Variants in C1QTNF7 observed in about 807,000 individuals in gnomAD.
The protein encoded by C1QTNF7 is C1q and TNF related 7, also known as complement C1q tumor necrosis factor-related protein 7.
A neutral mutation model predicts 19.6 loss-of-function variants in C1QTNF7; 15 were observed. The ratio of observed to expected loss-of-function variants is 0.76; its 90% CI spans 0.51 to 1.18. The LOEUF (loss-of-function observed/expected upper bound fraction) is 1.18. C1QTNF7 is among the 50% of genes most tolerant of loss of function. C1QTNF7 has a pLI of 0.00. For synonymous variants in C1QTNF7, 142 were observed against 137.5 expected, an observed-to-expected ratio of 1.03 and a Z score of -0.23; for missense variants, 324 against 359.7, an observed-to-expected ratio of 0.90 and a Z score of 0.80.
intron 1 of C1QTNF7, among the ~76,000 whole-genome samples, chr4:15,344,082 A>G (rs1025112765): frequency 6.6e-6 from 1 of 152,230 alleles, no homozygotes; most frequent in African/African-American, 2.4e-5. Context: ...AGAGAGGAGA[A>G]TATGAGCAAA....
chr4:15,379,578 C>G (rs1261406399), intron 1 of C1QTNF7, among the ~76,000 whole-genome samples: 1 of 152,172 alleles, frequency 6.6e-6, no homozygotes, highest in Non-Finnish European at 1.5e-5. Flanking sequence ...TGCTGGACTC[C>G]ACAACCTGCT....
chr4:15,426,663 T>C, upstream of C1QTNF7, among the ~76,000 whole-genome samples: 1 of 152,188 alleles, frequency 6.6e-6, no homozygotes. Context: ...AAAATAAGAA[T>C]GCATCTATTC....
intron 1 of C1QTNF7, among the ~76,000 whole-genome samples, chr4:15,399,444 C>G (rs1050055303): frequency 1.4e-4 from 21 of 152,172 alleles, no homozygotes; most frequent in African/African-American, 4.3e-4. Flanking sequence ...GTCATACTGA[C>G]TACAGGACCC....
chr4:15,342,927 G>A (rs763257550), intron 1 of C1QTNF7, among the ~76,000 whole-genome samples: 44 of 152,094 alleles, frequency 2.9e-4, no homozygotes, highest in African/African-American at 8.9e-4. Flanking sequence ...TATGAACTTC[G>A]GCCCATTCAA....
intron 1 of C1QTNF7, among the ~76,000 whole-genome samples, chr4:15,411,464 G>T (rs768392766): frequency 3.3e-5 from 5 of 152,166 alleles, no homozygotes; most frequent in Non-Finnish European, 7.4e-5. Flanking sequence ...TCACCAGGAG[G>T]GTCTCTGGCA....
At chr4:15,347,353 T>G (rs1044530391) in intron 1 of C1QTNF7, among the ~76,000 whole-genome samples, 7 of 152,254 alleles carry the variant, frequency 4.6e-5, no homozygotes, top group Non-Finnish European at 8.8e-5. Context: ...ATCTTTGCTC[T>G]GCTTTTAGAA....
chr4:15,400,609 T>C (rs1191642052), intron 1 of C1QTNF7, among the ~76,000 whole-genome samples: 1 of 152,180 alleles, frequency 6.6e-6, no homozygotes, highest in African/African-American at 2.4e-5. Flanking sequence ...AACGGTCTGC[T>C]CTGATCCATA....
At position 15,392,331 on chromosome 4, in the gene C1QTNF7, C is replaced by T. The variant is rs542906428; in HGVS notation, c.14-43405C>T. Among the ~76,000 whole-genome samples the T allele has an allele frequency of 4.6e-3, 695 of 152,298 alleles. 7 individuals carry two copies. The highest frequency in any genetic ancestry group is 0.016 in the African/African-American group (672 of 41,554). ...TTACTTAAATCACCTCATTCATTTT[C>T]CACCACAGCCTTCTCAGTGGATACA... On this transcript the variant is annotated intron_variant, in intron 1 of 2. Coordinates refer to the C1QTNF7 transcript ENST00000295297.
intron 1 of C1QTNF7, among the ~76,000 whole-genome samples, chr4:15,357,735 T>G (rs972971582): frequency 1.3e-5 from 2 of 152,300 alleles, no homozygotes; most frequent in African/African-American, 4.8e-5. Context: ...GTTTTTCCAT[T>G]TCTTTGTGTC....
At chr4:15,406,763 T>C (rs1411425347) in intron 1 of C1QTNF7, among the ~76,000 whole-genome samples, 1 of 152,196 alleles carries the variant, frequency 6.6e-6, no homozygotes, top group African/African-American at 2.4e-5. Flanking sequence ...ATTGATCATA[T>C]ATAGTAAGAG....
Position 15,378,840 on chromosome 4 carries a change from C to T in C1QTNF7, c.13+38633C>T, listed in dbSNP as rs140239619. Among the ~76,000 whole-genome samples the T allele has an allele frequency of 1.9e-4, 29 of 152,312 alleles. 1 individual carries two copies. In the East Asian group the frequency reaches 5.6e-3, roughly 29 times the overall value. ...AAATGTTCCTTTTCTTAAAATGGCA[C>T]AGCAGATCACTTGGGTCTAAGTTAG... On this transcript the variant is annotated intron_variant, in intron 1 of 2. Transcript: ENST00000295297.
intron 1 of C1QTNF7, chr4:15,340,276 T>C: frequency 6.6e-7 from 1 of 1,515,002 alleles, no homozygotes; most frequent in Non-Finnish European, 9.0e-7. Context: ...AAATATTTCC[T>C]GGGAGAACTT....
chr4:15,344,655 C>T (rs1278698993), intron 1 of C1QTNF7, among the ~76,000 whole-genome samples: 2 of 152,162 alleles, frequency 1.3e-5, no homozygotes, highest in Non-Finnish European at 2.9e-5. Flanking sequence ...TATACAGTTC[C>T]CTATTCGATC....
At chr4:15,342,155 G>C (rs1716565712) in intron 1 of C1QTNF7, among the ~76,000 whole-genome samples, 1 of 152,216 alleles carries the variant, frequency 6.6e-6, no homozygotes, top group Non-Finnish European at 1.5e-5. Flanking sequence ...GCGCTGATGA[G>C]AGAGGCCCAC....
chr4:15,373,428 C>T (rs1388955225), intron 1 of C1QTNF7, among the ~76,000 whole-genome samples: 2 of 152,184 alleles, frequency 1.3e-5, no homozygotes, highest in South Asian at 2.1e-4. Flanking sequence ...TGGGGAAACA[C>T]GTATATTCAA....
At chr4:15,434,583 CTG>C (rs1268365307) in intron 1 of C1QTNF7, among the ~76,000 whole-genome samples, 2 of 152,192 alleles carry the variant, frequency 1.3e-5, no homozygotes, top group Non-Finnish European at 1.5e-5. Flanking sequence ...CCAGAACCAC[CTG>C]TATATGTTCT....
At chr4:15,340,925 T>C (rs185291586) in intron 1 of C1QTNF7, among the ~76,000 whole-genome samples, 14 of 152,310 alleles carry the variant, frequency 9.2e-5, no homozygotes, top group African/African-American at 3.1e-4. Context: ...TTTTCTTGTT[T>C]TTCTGTGCAT....
At chr4:15,409,864 T>C (rs1719342714) in intron 1 of C1QTNF7, among the ~76,000 whole-genome samples, 1 of 152,208 alleles carries the variant, frequency 6.6e-6, no homozygotes, top group Non-Finnish European at 1.5e-5. Context: ...GTTTGGCACA[T>C]AGGGAACCTT....
In C1QTNF7 at chr4:15,445,715, A is replaced by G. The variant is rs920446085; in HGVS notation, c.*2916A>G. The G allele has an allele frequency of 3.9e-5, 6 of 152,258 alleles. No individual in the cohort carries two copies. Among genetic ancestry groups the G allele is most frequent in the African/African-American group, 1.2e-4 (5 of 41,472 alleles). 9.4% of individuals were successfully genotyped at this position (152,258 alleles called of 1,614,324 possible). On this transcript the variant is annotated 3_prime_UTR_variant, in exon 3 of 3. Transcript: ENST00000444304. Reference sequence around the variant, plus strand: ...CATTTGTAAATATTTGTATAAAGAAAGTAGCAAAACAGTTTTGGTTTAAAA... The same window carrying G: ...CATTTGTAAATATTTGTATAAAGAAGGTAGCAAAACAGTTTTGGTTTAAAA...
Sources: gnomAD v4.1 joint callset for allele counts (sites outside exome capture counted in the v4.1 genomes callset) on GRCh38, gnomAD v4.1.1 for gene constraint, MANE v1.5 for transcripts, NCBI Gene and HGNC (gene_info 2026-07-23, HGNC 2026-07-21) for gene names.